The following SLC5A4 variants were observed in gnomAD, a reference collection of about 807,000 sequenced individuals.
The protein encoded by SLC5A4 is probable glucose sensor protein SLC5A4.
In SLC5A4, 55 loss-of-function variants were observed where a neutral mutation model predicts 70.3. The observed-to-expected ratio is 0.78, with a 90% CI of 0.63 to 0.98. The LOEUF (loss-of-function observed/expected upper bound fraction) is 0.98. Ranked by LOEUF, SLC5A4 falls within the 50% of genes least tolerant of loss-of-function variation. SLC5A4 has a pLI of 0.00. For synonymous variants in SLC5A4, 268 were observed against 305.7 expected, an observed-to-expected ratio of 0.88 and a Z score of 1.29; for missense variants, 735 against 839.2, an observed-to-expected ratio of 0.88 and a Z score of 1.53.
chr22:32,272,237 G>A, the SLC5A4 span: 2 of 780,414 alleles, frequency 2.6e-6, no homozygotes, highest in African/African-American at 1.7e-5. Context: ...ATGTGACTGA[G>A]GTGGTGCCCG....
At chr22:32,287,260 G>A in the SLC5A4 span, among the ~76,000 whole-genome samples, 1 of 152,144 alleles carries the variant, frequency 6.6e-6, no homozygotes, top group African/African-American at 2.4e-5. Flanking sequence ...TCCAAACACA[G>A]CATATTCTTC....
chr22:32,220,486 C>CT (rs2123859112), intron 14 of SLC5A4, among the ~76,000 whole-genome samples: 1 of 152,024 alleles, frequency 6.6e-6, no homozygotes, highest in East Asian at 1.9e-4. Flanking sequence ...TTTTTTTCCC[C>CT]TTGGACAGGA....
the SLC5A4 span, chr22:32,269,459 A>C: frequency 1.2e-5 from 6 of 518,926 alleles, no homozygotes; most frequent in African/African-American, 1.2e-4. This position sits in a 1 kb window ranked among gnomAD's most constrained non-coding sequence, Gnocchi z 4.1. Flanking sequence ...CGGCTACTAC[A>C]AGCCCATCCT....
chr22:32,312,363 G>GCACACACACACA, the SLC5A4 span, among the ~76,000 whole-genome samples: 15 of 84,626 alleles, frequency 1.8e-4, no homozygotes, highest in African/African-American at 5.8e-4. Context: ...ACACGCGCGC[G>GCACACACACACA]CGCACACACA....
At chr22:32,329,620 T>G in the SLC5A4 span, among the ~76,000 whole-genome samples, 188 of 88,126 alleles carry the variant, frequency 2.1e-3, 15 homozygotes, top group East Asian at 0.014. Flanking sequence ...TTGGCTCTGG[T>G]GTGTGTGTTG....
At chr22:32,320,602 G>A in the SLC5A4 span, among the ~76,000 whole-genome samples, 1 of 152,268 alleles carries the variant, frequency 6.6e-6, no homozygotes, top group South Asian at 2.1e-4. Flanking sequence ...TGAGATTCAT[G>A]ATTTGTGGCA....
the SLC5A4 span, among the ~76,000 whole-genome samples, chr22:32,312,711 C>T: frequency 6.6e-6 from 1 of 152,128 alleles, no homozygotes; most frequent in South Asian, 2.1e-4. Context: ...ATTCCCTTCT[C>T]TACCACCTCG....
At chr22:32,321,893 T>G in the SLC5A4 span, among the ~76,000 whole-genome samples, 1 of 152,238 alleles carries the variant, frequency 6.6e-6, no homozygotes, top group Non-Finnish European at 1.5e-5. Context: ...TATGGCAGAA[T>G]GCATAGGTCT....
chr22:32,310,061 G>T, the SLC5A4 span, among the ~76,000 whole-genome samples: 2 of 148,856 alleles, frequency 1.3e-5, no homozygotes, highest in Non-Finnish European at 3.0e-5. Context: ...GGGTGGGGAG[G>T]GGGGAGGGAG....
the SLC5A4 span, chr22:32,271,625 G>T: frequency 1.5e-6 from 1 of 645,710 alleles, no homozygotes; most frequent in African/African-American, 1.8e-5. Flanking sequence ...CTACTCAGGA[G>T]TGTTCATCTG....
At chr22:32,277,742 G>A in the SLC5A4 span, among the ~76,000 whole-genome samples, 31 of 152,172 alleles carry the variant, frequency 2.0e-4, no homozygotes, top group Admixed American at 1.3e-3. Context: ...TAGAGATGGC[G>A]TTTCACCGTG....
At chr22:32,294,471 T>C in the SLC5A4 span, among the ~76,000 whole-genome samples, 2 of 152,258 alleles carry the variant, frequency 1.3e-5, no homozygotes, top group South Asian at 2.1e-4. Context: ...ACAACTAGGA[T>C]ACTGACATCA....
In SLC5A4 at chr22:32,231,073, T is replaced by A. The variant is rs763489323; in HGVS notation, c.1024A>T (p.Met342Leu). 6.2e-7 allele frequency: 1 copy of A among 1,607,300 alleles called. No homozygotes were observed. The highest frequency in any genetic ancestry group is 1.1e-5 in the South Asian group (1 of 90,904). Residue 342 changes from methionine (M) to leucine (L), a missense_variant and splice_region_variant, in exon 10 of 15, where the codon ATG (methionine) becomes TTG (leucine). Transcript: ENST00000266086. ...GMISRILYTD[M>L]VACVVPSECV... ...TCAGAAGGTACCACACATGCTACCA[T>A]ATCTGGGGAAGAATTCAGAAGTGAG...
the SLC5A4 span, among the ~76,000 whole-genome samples, chr22:32,300,345 G>A: frequency 4.4e-3 from 674 of 151,728 alleles, 6 homozygotes; most frequent in African/African-American, 0.016. Context: ...AGCCAGGTGC[G>A]GGATATAATC....
chr22:32,286,410 G>GTT, the SLC5A4 span, among the ~76,000 whole-genome samples: 1 of 152,200 alleles, frequency 6.6e-6, no homozygotes, highest in Non-Finnish European at 1.5e-5. Flanking sequence ...GAGGCTCTGT[G>GTT]TTGAGATTGT....
chr22:32,220,922 TC>T lies in SLC5A4; in HGVS notation c.1765del (p.Glu589LysfsTer27). ...SQEETDDGVE[E>X]DYPEKSRGCL... ...ACCAAATGTAAACCAAATATTACCT[TC>T]TTCAACACCATCATCTGTTTCTTCC... On this transcript the variant is annotated frameshift_variant, in exon 14 of 15. Transcript: ENST00000266086. LOFTEE classifies it low-confidence loss of function (END_TRUNC). The T allele has an allele frequency of 1.9e-6, 3 of 1,599,408 alleles. No homozygotes were observed. The highest frequency in any genetic ancestry group is 2.6e-6 in the Non-Finnish European group (3 of 1,166,590).
the SLC5A4 span, among the ~76,000 whole-genome samples, chr22:32,292,932 T>C: frequency 1.3e-5 from 2 of 152,182 alleles, no homozygotes; most frequent in East Asian, 1.9e-4. Flanking sequence ...AGTTTTGCTA[T>C]ACATATTTTG....
At chr22:32,342,122 A>G in the SLC5A4 span, among the ~76,000 whole-genome samples, 32 of 152,256 alleles carry the variant, frequency 2.1e-4, no homozygotes, top group Non-Finnish European at 4.3e-4. Flanking sequence ...AGCAGGAATT[A>G]GCATAAAATA....
intron 5 of SLC5A4, among the ~76,000 whole-genome samples, chr22:32,242,537 A>C (rs1217271156): frequency 6.6e-6 from 1 of 152,076 alleles, no homozygotes; most frequent in African/African-American, 2.4e-5. Context: ...GCGAAACCCT[A>C]TCTCTACTAA....
Sources: allele counts gnomAD v4.1 joint callset (sites outside exome capture counted in the v4.1 genomes callset), GRCh38; gene constraint gnomAD v4.1.1; non-coding constraint Gnocchi (gnomAD v3.1); transcripts MANE v1.5; gene names NCBI Gene and HGNC (gene_info 2026-07-23, HGNC 2026-07-21).